TMEM132C: variants seen among roughly 807,000 people sequenced by gnomAD.
TMEM132C encodes the protein protein phosphatase 1, regulatory subunit 152.
TMEM132C carries 29 observed loss-of-function variants against 61.4 expected under a neutral mutation model. The observed-to-expected ratio is 0.47, with a 90% CI of 0.35 to 0.64. The LOEUF (loss-of-function observed/expected upper bound fraction) is 0.64. Ranked by LOEUF, TMEM132C falls within the 30% of genes least tolerant of loss-of-function variation. TMEM132C has a pLI of 0.00. For missense variants in TMEM132C, 1,408 were observed against 1,476.9 expected, an observed-to-expected ratio of 0.95 and a Z score of 0.76; for synonymous variants, 656 against 633.1, an observed-to-expected ratio of 1.04 and a Z score of -0.54.
Position 128,604,060 on chromosome 12 carries a change from T to G in TMEM132C, c.1122-12092T>G, listed in dbSNP as rs570196446. Among the ~76,000 whole-genome samples, 14 of 152,266 alleles carry G rather than the reference T, an allele frequency of 9.2e-5. No homozygotes were observed. In the South Asian group the frequency reaches 2.9e-3, roughly 32 times the overall value. ...TTTCCCTCCGTGTCTCTCTCCCTGG[T>G]GGAATTTGCCTCTCCCATCCAAAGC... On this transcript the variant is annotated intron_variant, in intron 3 of 8. Coordinates refer to ENST00000435159, the MANE Select transcript of TMEM132C (RefSeq NM_001136103.3).
At chr12:128,390,151 G>A (rs1213632626) in intron 1 of TMEM132C, among the ~76,000 whole-genome samples, 1 of 152,148 alleles carries the variant, frequency 6.6e-6, no homozygotes, top group Non-Finnish European at 1.5e-5. Context: ...GATTACAGGT[G>A]TGAGCCACCA....
chr12:128,269,845 T>C (rs1252627375), intron 1 of TMEM132C, among the ~76,000 whole-genome samples: 3 of 151,970 alleles, frequency 2.0e-5, no homozygotes, highest in Admixed American at 6.6e-5. Context: ...CATCTCTGTC[T>C]CTTCCTGCAC....
At chr12:128,651,879 A>G (rs1200040441) in intron 4 of TMEM132C, among the ~76,000 whole-genome samples, 2 of 134,464 alleles carry the variant, frequency 1.5e-5, no homozygotes, top group Non-Finnish European at 3.2e-5. Flanking sequence ...GAGGAAACCA[A>G]GGGGTCCAAT....
At chr12:128,559,494 T>C (rs1427681470) in intron 3 of TMEM132C, among the ~76,000 whole-genome samples, 3 of 152,124 alleles carry the variant, frequency 2.0e-5, no homozygotes, top group Non-Finnish European at 2.9e-5. Flanking sequence ...CTGAGTAAAA[T>C]GGTGTGGGCA....
chr12:128,362,566 G>A (rs1252719414), intron 1 of TMEM132C, among the ~76,000 whole-genome samples: 1 of 151,790 alleles, frequency 6.6e-6, no homozygotes, highest in African/African-American at 2.4e-5. Context: ...GGCACCAGAC[G>A]TGTTTCAGAT....
At chr12:128,580,853 A>C (rs561049327) in intron 3 of TMEM132C, among the ~76,000 whole-genome samples, 1 of 152,206 alleles carries the variant, frequency 6.6e-6, no homozygotes, top group Admixed American at 6.5e-5. Flanking sequence ...GGCTCTGTTG[A>C]CACTTTAGGC....
chr12:128,665,264 CACAA>C (rs1438347400), intron 4 of TMEM132C, among the ~76,000 whole-genome samples: 4 of 144,926 alleles, frequency 2.8e-5, no homozygotes, highest in African/African-American at 5.6e-5. Context: ...CTCGCACATA[CACAA>C]ACAGGCACAC....
At chr12:128,339,418 C>T (rs137934887) in intron 1 of TMEM132C, among the ~76,000 whole-genome samples, 60 of 152,134 alleles carry the variant, frequency 3.9e-4, no homozygotes, top group African/African-American at 9.9e-4. Flanking sequence ...GATTTCATCC[C>T]GCTTGCATAT....
intron 8 of TMEM132C, among the ~76,000 whole-genome samples, chr12:128,704,300 G>T (rs1954821739): frequency 6.6e-6 from 1 of 152,020 alleles, no homozygotes; most frequent in Non-Finnish European, 1.5e-5. Context: ...ATAGCTGTTG[G>T]GTCACTGACA....
At chr12:128,364,942 TAG>T (rs1447980999) in intron 1 of TMEM132C, among the ~76,000 whole-genome samples, 6 of 152,200 alleles carry the variant, frequency 3.9e-5, no homozygotes, top group Non-Finnish European at 8.8e-5. Flanking sequence ...TGGACGTCAG[TAG>T]AGAGTGCGTC....
intron 4 of TMEM132C, among the ~76,000 whole-genome samples, chr12:128,622,360 A>AATATATATATATATAT (rs767066742): frequency 1.3e-4 from 4 of 30,104 alleles, no homozygotes; most frequent in African/African-American, 1.6e-4. Context: ...AAAAAAAAAA[A>AATATATATATATATAT]ATATATATAT....
At position 128,570,552 on chromosome 12, in the gene TMEM132C, T is replaced by G. The variant is rs75170258; in HGVS notation, c.1121+26449T>G. 0.014 allele frequency among the ~76,000 whole-genome samples: 2,178 copies of G among 152,288 alleles called. 41 individuals are homozygous for G. Among genetic ancestry groups the G allele is most frequent in the African/African-American group, 0.049 (2,047 of 41,556 alleles). On this transcript the variant is annotated intron_variant, in intron 3 of 8. Coordinates refer to ENST00000435159, the MANE Select transcript of TMEM132C (RefSeq NM_001136103.3). The surrounding 1 kb of genome is among the most constrained non-coding windows in gnomAD (Gnocchi z 4.7). ...GAGGCCTAACGAAACACGGCTTTTT[T>G]TTTTCCTTTGACTCAGCATGAAGTT...
chr12:128,415,276 G>A lies in TMEM132C; in HGVS notation c.630G>A (p.Val210=), dbSNP rs1244941946. The change falls in exon 2 of 9, where the codon GTG becomes GTA. Residue 210 remains valine (V), a synonymous_variant. Coordinates refer to ENST00000435159, the MANE Select transcript of TMEM132C (RefSeq NM_001136103.3). The surrounding 1 kb of genome is among the most constrained non-coding windows in gnomAD (Gnocchi z 5.8). Reference sequence around the variant, plus strand: ...CCAGCTGGTTCAGTGCCCCGACGGTGGGTGCCGGGAGGAAGAAGTCCATGG... The same window carrying A: ...CCAGCTGGTTCAGTGCCCCGACGGTAGGTGCCGGGAGGAAGAAGTCCATGG... ...LLSSWFSAPT[V]GAGRKKSMDQ... is the part of the protein sequence containing the mutation. 3.1e-6 allele frequency: 5 copies of A among 1,598,774 alleles called. No homozygotes were observed. The highest frequency in any genetic ancestry group is 4.3e-6 in the Non-Finnish European group (5 of 1,172,710).
chr12:128,670,386 C>T (rs1954520363), intron 5 of TMEM132C, among the ~76,000 whole-genome samples: 1 of 152,140 alleles, frequency 6.6e-6, no homozygotes, highest in Non-Finnish European at 1.5e-5. Context: ...ATTCCTTCTC[C>T]TGTCTAACTG....
Position 128,622,361 on chromosome 12 carries a change from ATAT to A in TMEM132C, c.1305+6027_1305+6029del, listed in dbSNP as rs1233015589. 2.4e-3 allele frequency among the ~76,000 whole-genome samples: 93 copies of A among 38,144 alleles called. 1 individual carries two copies. Among genetic ancestry groups the A allele is most frequent in the Non-Finnish European group, 3.6e-3 (76 of 20,830 alleles). 25.0% of individuals were successfully genotyped at this position (38,144 alleles called of 152,430 possible). A position where few individuals can be genotyped will look rare whatever the true frequency, so the allele number is the denominator to read the frequency against. On this transcript the variant is annotated intron_variant, in intron 4 of 8. Transcript: ENST00000435159. ...TTTGTCTCAAAAAAAAAAAAAAAAA[ATAT>A]ATATATATATATATATATATATATA... is the stretch of plus-strand genomic sequence containing the variant.
chr12:128,594,880 T>C (rs1181413967), intron 3 of TMEM132C, among the ~76,000 whole-genome samples: 1 of 152,224 alleles, frequency 6.6e-6, no homozygotes, highest in African/African-American at 2.4e-5. Context: ...TTTTTCTAAA[T>C]TGGAGGTCCC....
intron 4 of TMEM132C, among the ~76,000 whole-genome samples, chr12:128,621,003 C>T (rs1242752229): frequency 6.6e-6 from 1 of 151,978 alleles, no homozygotes; most frequent in African/African-American, 2.4e-5. Flanking sequence ...TCCTTGGAGA[C>T]CCTGGATGAA....
chr12:128,568,772 C>T (rs12307682), intron 3 of TMEM132C, among the ~76,000 whole-genome samples: 13,272 of 152,130 alleles, frequency 0.087, 1,779 homozygotes, highest in African/African-American at 0.29. Flanking sequence ...CATGAAACCC[C>T]GAGCCCCGTG....
chr12:128,463,768 C>T (rs1252102756), intron 2 of TMEM132C, among the ~76,000 whole-genome samples: 1 of 152,146 alleles, frequency 6.6e-6, no homozygotes, highest in East Asian at 1.9e-4. Flanking sequence ...TGTGTTGCTT[C>T]TGTGCCCCAT....
Sources: allele counts gnomAD v4.1 joint callset (sites outside exome capture counted in the v4.1 genomes callset), GRCh38; gene constraint gnomAD v4.1.1; non-coding constraint Gnocchi (gnomAD v3.1); transcripts MANE v1.5; gene names NCBI Gene and HGNC (gene_info 2026-07-23, HGNC 2026-07-21).